SIK3: variants seen among roughly 807,000 people sequenced by gnomAD.
SIK3 encodes the protein serine/threonine-protein kinase SIK3.
SIK3 carries 28 observed loss-of-function variants against 144.2 expected under a neutral mutation model. The ratio of observed to expected loss-of-function variants is 0.19; its 90% CI spans 0.14 to 0.27. The LOEUF (loss-of-function observed/expected upper bound fraction) is 0.27, where lower values mean the gene tolerates loss of function less well. Among genes scored for constraint, SIK3 ranks in the 10% least tolerant of loss-of-function variants. The probability of loss-of-function intolerance (pLI) is 1.00; values close to 1 mark genes in which losing one functional copy is unlikely to be tolerated. For missense variants in SIK3, 1,319 were observed against 1,776.0 expected, an observed-to-expected ratio of 0.74 and a Z score of 4.62; for synonymous variants, 686 against 676.3, an observed-to-expected ratio of 1.01 and a Z score of -0.22.
intron 19 of SIK3, 86 bp downstream of exon 19, chr11:116,861,188 A>G (rs1261567916): frequency 9.3e-7 from 1 of 1,072,394 alleles, no homozygotes; most frequent in African/African-American, 1.6e-5. Flanking sequence ...CTGCCTTTCA[A>G]ATGGTTTATG....
chr11:116,873,772 A>T (rs997518641), intron 12 of SIK3, 131 bp downstream of exon 12: 1 of 1,468,640 alleles, frequency 6.8e-7, no homozygotes, highest in Admixed American at 2.3e-5. Flanking sequence ...CGCTCACCCG[A>T]GCTACTTTGC....
Position 116,862,272 on chromosome 11 carries a change from T to C in SIK3, c.2159A>G (p.Glu720Gly). ...YGGQIDERTL[E>G]KTQQQHMLYQ... ...TAACATATGCTGCTGCTGGGTCTTC[T>C]CCAGGGTTCTTTCATCAATCTGCCC... is the stretch of plus-strand genomic sequence containing the variant. Residue 720 changes from glutamate to glycine, a missense_variant, in exon 17 of 25, where the codon GAG becomes GGG. Transcript: ENST00000445177. 6.2e-7 allele frequency: 1 copy of C among 1,614,194 alleles called. No homozygotes were observed. The highest frequency in any genetic ancestry group is 2.2e-5 in the East Asian group (1 of 44,890).
At chr11:117,093,878 TCGTGCCC>T (rs1955355496) in intron 1 of SIK3, among the ~76,000 whole-genome samples, 2 of 152,050 alleles carry the variant, frequency 1.3e-5, no homozygotes, top group African/African-American at 4.8e-5. Flanking sequence ...CATTCATGAA[TCGTGCCC>T]AAGGGGTGAG....
chr11:116,946,097 T>C (rs1387718039), intron 3 of SIK3, among the ~76,000 whole-genome samples: 1 of 152,230 alleles, frequency 6.6e-6, no homozygotes, highest in Non-Finnish European at 1.5e-5. Context: ...CATCCCTCAG[T>C]TCCTCATTGA....
chr11:116,922,274 G>A (rs941870678), intron 4 of SIK3, among the ~76,000 whole-genome samples: 1 of 152,150 alleles, frequency 6.6e-6, no homozygotes, highest in Non-Finnish European at 1.5e-5. Context: ...AGGTTAAGGA[G>A]GGAGGACTGG....
chr11:116,961,840 C>T (rs1473235982), intron 1 of SIK3, among the ~76,000 whole-genome samples: 3 of 152,140 alleles, frequency 2.0e-5, no homozygotes, highest in Non-Finnish European at 4.4e-5. Context: ...CTACTCAAGA[C>T]ATTCCCATTC....
intron 1 of SIK3, among the ~76,000 whole-genome samples, chr11:117,042,862 C>T (rs1952807300): frequency 6.6e-6 from 1 of 152,174 alleles, no homozygotes; most frequent in South Asian, 2.1e-4. Context: ...TACTTAGTAG[C>T]CGCCAAATTC....
chr11:117,030,777 C>A (rs1284878226), intron 1 of SIK3, among the ~76,000 whole-genome samples: 2 of 152,116 alleles, frequency 1.3e-5, no homozygotes, highest in African/African-American at 4.8e-5. Flanking sequence ...CTCAGGTGAT[C>A]CTCCCACCTC....
intron 1 of SIK3, among the ~76,000 whole-genome samples, chr11:116,975,321 GA>G (rs917421254): frequency 6.6e-6 from 1 of 151,850 alleles, no homozygotes; most frequent in African/African-American, 2.4e-5. Context: ...TGTTCCGACT[GA>G]AAAAAACCTC....
intron 3 of SIK3, among the ~76,000 whole-genome samples, chr11:116,944,146 C>G (rs183805877): frequency 1.3e-5 from 2 of 151,966 alleles, no homozygotes; most frequent in African/African-American, 2.4e-5. Flanking sequence ...ATAAGAGTTG[C>G]GTTTAATAGA....
intron 1 of SIK3, among the ~76,000 whole-genome samples, chr11:117,040,945 CTCCT>C (rs895656485): frequency 1.6e-4 from 20 of 124,146 alleles, no homozygotes; most frequent in African/African-American, 2.6e-4. Flanking sequence ...AGTTACCTGC[CTCCT>C]TTTTTTTTTT....
intron 1 of SIK3, among the ~76,000 whole-genome samples, chr11:117,030,041 G>A (rs1294534734): frequency 2.0e-5 from 3 of 152,068 alleles, no homozygotes; most frequent in Non-Finnish European, 4.4e-5. Context: ...TTGGAAAGCT[G>A]AGAACAGAGT....
chr11:116,908,464 G>A (rs1348548848), intron 4 of SIK3, among the ~76,000 whole-genome samples: 3 of 152,008 alleles, frequency 2.0e-5, no homozygotes, highest in Non-Finnish European at 2.9e-5. Context: ...GGGTGATGGA[G>A]TGAGACCCTA....
intron 21 of SIK3, among the ~76,000 whole-genome samples, chr11:116,852,557 T>C (rs879010060): frequency 6.6e-6 from 1 of 152,236 alleles, no homozygotes; most frequent in Admixed American, 6.5e-5. Flanking sequence ...TAGTTATCTG[T>C]ACAACTGGAC....
chr11:117,023,621 A>AAAAAAATATATATATAT (rs754624841), intron 1 of SIK3, among the ~76,000 whole-genome samples: 18 of 95,400 alleles, frequency 1.9e-4, no homozygotes, highest in African/African-American at 7.4e-4. Flanking sequence ...AAAAAAAAAA[A>AAAAAAATATATATATAT]ATATATATAT....
intron 1 of SIK3, among the ~76,000 whole-genome samples, chr11:117,001,358 T>C (rs926912373): frequency 6.6e-6 from 1 of 152,044 alleles, no homozygotes; most frequent in South Asian, 2.1e-4. Context: ...CTACAAAAAT[T>C]AGCCAGGCAT....
chr11:116,850,183 A>G (rs1002206598), intron 21 of SIK3, among the ~76,000 whole-genome samples: 1 of 152,204 alleles, frequency 6.6e-6, no homozygotes, highest in African/African-American at 2.4e-5. Flanking sequence ...TGCCTGGATT[A>G]TTATGCTAGC....
chr11:117,018,473 T>C (rs565823144), intron 1 of SIK3, among the ~76,000 whole-genome samples: 3 of 152,316 alleles, frequency 2.0e-5, no homozygotes, highest in African/African-American at 7.2e-5. Flanking sequence ...GACTTCATCC[T>C]AAACTGGATT....
intron 1 of SIK3, among the ~76,000 whole-genome samples, chr11:116,968,916 T>A (rs1949660765): frequency 6.6e-6 from 1 of 152,228 alleles, no homozygotes; most frequent in South Asian, 2.1e-4. Context: ...ACAATACTAC[T>A]TTTAAGCCAA....
Sources: gnomAD v4.1 joint callset for allele counts (sites outside exome capture counted in the v4.1 genomes callset) on GRCh38, gnomAD v4.1.1 for gene constraint, MANE v1.5 for transcripts, NCBI Gene and HGNC (gene_info 2026-07-23, HGNC 2026-07-21) for gene names.